Variants in PCDHA2 observed in about 807,000 individuals in gnomAD.
PCDHA2 encodes the protein protocadherin alpha 2.
In PCDHA2, 58 loss-of-function variants were observed where a neutral mutation model predicts 66.0. The observed-to-expected ratio is 0.88, with a 90% confidence interval of 0.71 to 1.09. The LOEUF is 1.09. Among genes scored for constraint, PCDHA2 ranks in the 50% least tolerant of loss-of-function variants. PCDHA2 has a pLI of 0.00. For missense variants in PCDHA2, 1,267 were observed against 1,242.3 expected (o/e 1.02, Z -0.30); for synonymous variants, 634 against 554.0 (o/e 1.14, Z -2.03).
At chr5:140,816,301 G>A (rs1765879211) in intron 1 of PCDHA2, 1 of 152,090 alleles carries the variant, frequency 6.6e-6, no homozygotes, top group African/African-American at 2.4e-5. Flanking sequence ...GAACATGTCT[G>A]TAAAATTTTC....
At chr5:140,803,755 C>A in intron 1 of PCDHA2, 1 of 1,260,410 alleles carries the variant, frequency 7.9e-7, no homozygotes, top group Non-Finnish European at 1.1e-6. Flanking sequence ...ATTTTTGTTG[C>A]TAATTTTTGA....
chr5:140,797,482 A>T, intron 1 of PCDHA2, 130 bp downstream of exon 1: 1 of 1,063,438 alleles, frequency 9.4e-7, no homozygotes. Context: ...GATTTTGAAT[A>T]TGAATTAGAG....
At chr5:140,870,227 A>G in intron 1 of PCDHA2, 1 of 1,614,142 alleles carries the variant, frequency 6.2e-7, no homozygotes, top group Non-Finnish European at 8.5e-7. Flanking sequence ...AGCGTGTCTG[A>G]CCGTGACTCA....
At chr5:140,818,754 C>T (rs2150102291) in intron 1 of PCDHA2, among the ~76,000 whole-genome samples, 1 of 152,194 alleles carries the variant, frequency 6.6e-6, no homozygotes, top group Non-Finnish European at 1.5e-5. Context: ...TGGAGGATGG[C>T]TTGAGCCTGA....
At position 140,993,462 on chromosome 5, in the gene PCDHA2, TCACACACACACACACACACA is replaced by T. The variant is rs3836747; in HGVS notation, c.2536+10927_2536+10946del. ...CATTCCTGTTCTCCTTCTTTCTTTC[TCACACACACACACACACACA>T]CACACACACACACACACACACACAC... On this transcript the variant is annotated intron_variant, in intron 3 of 3. Coordinates refer to ENST00000526136, the MANE Select transcript of PCDHA2 (RefSeq NM_018905.3). Among the ~76,000 whole-genome samples the T allele has an allele frequency of 7.1e-5, 10 of 141,044 alleles. No individual in the cohort carries two copies. In the South Asian group the frequency reaches 9.5e-4, roughly 13 times the overall value. The allele number at this position is 141,044 out of a possible 152,430, so 92.5% of individuals were successfully genotyped here.
At chr5:140,882,058 C>G (rs1190027185) in intron 1 of PCDHA2, 4 of 794,854 alleles carry the variant, frequency 5.0e-6, no homozygotes, top group Non-Finnish European at 7.7e-6. Flanking sequence ...CTTACACTTA[C>G]ACGTTCATGC....
chr5:140,804,540 A>G (rs1554123091), intron 1 of PCDHA2: 1 of 152,188 alleles, frequency 6.6e-6, no homozygotes, highest in African/African-American at 2.4e-5. Context: ...TTTATTCATT[A>G]GTGTCTTTTG....
chr5:140,796,847 C>T lies in PCDHA2; in HGVS notation c.1883C>T (p.Thr628Met), dbSNP rs782019473. The T allele has an allele frequency of 1.2e-6, 2 of 1,614,068 alleles. No homozygotes were observed. The highest frequency in any genetic ancestry group is 8.5e-7 in the Non-Finnish European group (1 of 1,179,966). Residue 628 changes from threonine to methionine, a missense_variant, in exon 1 of 4, where the codon ACG becomes ATG. Transcript: ENST00000526136. The part of the protein sequence containing the change: ...ARIPFRVGLY[T>M]GEISTTRALD... ...ATCCCGTTCCGCGTGGGGCTATACA[C>T]GGGTGAGATCAGCACGACACGTGCC...
intron 3 of PCDHA2, among the ~76,000 whole-genome samples, chr5:140,984,944 TC>T (rs1554246626): frequency 6.6e-6 from 1 of 151,930 alleles, no homozygotes; most frequent in Non-Finnish European, 1.5e-5. Flanking sequence ...AAATGTCTAA[TC>T]TTTTTTTTTT....
intron 1 of PCDHA2, chr5:140,813,165 A>G (rs1448346910): frequency 1.3e-5 from 2 of 152,148 alleles, no homozygotes; most frequent in Non-Finnish European, 2.9e-5. Flanking sequence ...TTTCAGCTAT[A>G]GTGTTGTTCA....
intron 1 of PCDHA2, chr5:140,812,398 G>A (rs2126638368): frequency 3.3e-5 from 5 of 151,504 alleles, no homozygotes; most frequent in African/African-American, 1.2e-4. Flanking sequence ...CTAGCTAAGG[G>A]GCTTGTCAGT....
At chr5:140,880,123 C>T (rs1315267493) in intron 1 of PCDHA2, among the ~76,000 whole-genome samples, 3 of 152,118 alleles carry the variant, frequency 2.0e-5, no homozygotes, top group African/African-American at 7.2e-5. Flanking sequence ...CAACAGGAAG[C>T]TGAAATAAAG....
At chr5:140,805,945 A>G (rs930683967) in intron 1 of PCDHA2, among the ~76,000 whole-genome samples, 3 of 152,244 alleles carry the variant, frequency 2.0e-5, no homozygotes, top group African/African-American at 4.8e-5. Flanking sequence ...CCTCTGAGCT[A>G]TTAAACAATT....
intron 1 of PCDHA2, chr5:140,968,888 CTAA>C: frequency 6.2e-7 from 1 of 1,614,210 alleles, no homozygotes; most frequent in Non-Finnish European, 8.5e-7. Context: ...TACCCTTTAT[CTAA>C]TAATAGCATT....
At position 141,011,610 on chromosome 5, in the gene PCDHA2, A is replaced by G. The variant is rs1259686391; in HGVS notation, c.*1673A>G. ...ACTGGTGATTCAAGGAATTTTATTT[A>G]TGGTCCAGCCAAGAGCCATCTCGTG... On this transcript the variant is annotated 3_prime_UTR_variant, in exon 4 of 4. Transcript: ENST00000526136. 6 of 153,722 alleles carry G rather than the reference A, an allele frequency of 3.9e-5. No individual in the cohort carries two copies. Among genetic ancestry groups the G allele is most frequent in the African/African-American group, 1.2e-4 (5 of 41,448 alleles). 9.5% of individuals were successfully genotyped at this position (153,722 alleles called of 1,614,324 possible). A position where few individuals can be genotyped will look rare whatever the true frequency, so the allele number is the denominator to read the frequency against.
chr5:140,830,561 A>T (rs1473385985), intron 1 of PCDHA2: 9 of 998,078 alleles, frequency 9.0e-6, no homozygotes, highest in Non-Finnish European at 1.2e-5. Flanking sequence ...TGTCTTCTAT[A>T]TTTCTGTTTT....
chr5:140,900,432 C>T (rs782344144), intron 1 of PCDHA2, among the ~76,000 whole-genome samples: 1 of 152,178 alleles, frequency 6.6e-6, no homozygotes, highest in Non-Finnish European at 1.5e-5. Flanking sequence ...CACGTGCCAC[C>T]ACGGCCGGCT....
At chr5:140,850,277 G>A (rs2150477192) in intron 1 of PCDHA2, 1 of 1,595,522 alleles carries the variant, frequency 6.3e-7, no homozygotes, top group South Asian at 1.1e-5. Flanking sequence ...TGGGGAAGGT[G>A]CGCGCAGTGG....
At chr5:140,917,334 G>GGGGGGGGGGGGGGT in intron 1 of PCDHA2, among the ~76,000 whole-genome samples, 1 of 147,630 alleles carries the variant, frequency 6.8e-6, no homozygotes, top group Non-Finnish European at 1.5e-5. Flanking sequence ...CGGGGGAGGG[G>GGGGGGGGGGGGGGT]GGGGATGGTG....
Sources: gnomAD v4.1 joint callset for allele counts (sites outside exome capture counted in the v4.1 genomes callset) on GRCh38, gnomAD v4.1.1 for gene constraint, MANE v1.5 for transcripts, NCBI Gene and HGNC (gene_info 2026-07-23, HGNC 2026-07-21) for gene names.